ADCY2: variants seen among roughly 807,000 people sequenced by gnomAD.
ADCY2 encodes adenylate cyclase type 2.
Under a neutral mutation model 125.2 loss-of-function variants are expected in ADCY2, and 31 were observed. The observed-to-expected ratio is 0.25, with a 90% CI of 0.19 to 0.33. ADCY2 has a LOEUF of 0.33. ADCY2 is among the 10% of genes least tolerant of loss of function. ADCY2 has a pLI of 1.00. For missense variants in ADCY2, 904 were observed against 1,418.2 expected, an observed-to-expected ratio of 0.64 and a Z score of 5.82; for synonymous variants, 512 against 548.4, an observed-to-expected ratio of 0.93 and a Z score of 0.93.
At chr5:7,538,869 T>G (rs1455079604) in intron 3 of ADCY2, among the ~76,000 whole-genome samples, 1 of 145,840 alleles carries the variant, frequency 6.9e-6, no homozygotes, top group African/African-American at 2.5e-5. Flanking sequence ...TCTTTTCTTT[T>G]TTTTTTTTTT....
At chr5:7,526,334 G>A (rs138893655) in intron 3 of ADCY2, among the ~76,000 whole-genome samples, 158 of 152,332 alleles carry the variant, frequency 1.0e-3, no homozygotes, top group Non-Finnish European at 1.9e-3. Flanking sequence ...GAAGGGAAGC[G>A]GGTGGTAAAA....
At chr5:7,500,188 A>G (rs1440982977) in intron 2 of ADCY2, among the ~76,000 whole-genome samples, 1 of 152,228 alleles carries the variant, frequency 6.6e-6, no homozygotes, top group Admixed American at 6.5e-5. Context: ...AGCTAGAAGT[A>G]TTTGAACACC....
At chr5:7,535,207 A>AT (rs1309127315) in intron 3 of ADCY2, among the ~76,000 whole-genome samples, 3 of 152,008 alleles carry the variant, frequency 2.0e-5, no homozygotes, top group Non-Finnish European at 4.4e-5. Context: ...CGCCCAGCTA[A>AT]TTTTTTTGTA....
chr5:7,497,235 A>G lies in ADCY2; in HGVS notation c.409-23503A>G, dbSNP rs544834033. Among the ~76,000 whole-genome samples the G allele has an allele frequency of 2.6e-5, 4 of 152,234 alleles. No individual in the cohort carries two copies. In the South Asian group the frequency reaches 8.3e-4, roughly 32 times the overall value. On this transcript the variant is annotated intron_variant, in intron 2 of 24. Transcript: ENST00000338316. ...ACATGTCACTAACAGTATGGAAGAT[A>G]CACAAACAAGAATAACCAGGGCAGT...
At chr5:7,581,011 T>C (rs1439386938) in intron 3 of ADCY2, among the ~76,000 whole-genome samples, 1 of 152,172 alleles carries the variant, frequency 6.6e-6, no homozygotes, top group Non-Finnish European at 1.5e-5. Context: ...GAAGGCATTT[T>C]AAATGAACAG....
intron 3 of ADCY2, among the ~76,000 whole-genome samples, chr5:7,582,535 T>C (rs1452694151): frequency 6.6e-6 from 1 of 152,052 alleles, no homozygotes; most frequent in Non-Finnish European, 1.5e-5. Context: ...TCTTAGCAAA[T>C]AAAATCCACC....
chr5:7,486,589 G>C (rs1022844842), intron 2 of ADCY2, among the ~76,000 whole-genome samples: 1 of 152,144 alleles, frequency 6.6e-6, no homozygotes, highest in Non-Finnish European at 1.5e-5. Flanking sequence ...CATCACTGTG[G>C]AAACAGACCT....
intron 2 of ADCY2, among the ~76,000 whole-genome samples, chr5:7,484,659 CTCTT>C (rs1212335319): frequency 1.3e-5 from 2 of 152,140 alleles, no homozygotes; most frequent in Non-Finnish European, 2.9e-5. Flanking sequence ...CACTTCTATC[CTCTT>C]TCTTTCTATC....
rs550711330 is a variant in ADCY2 at position 7,627,945 on chromosome 5, T to C, written c.720+1629T>C. On this transcript the variant is annotated intron_variant, in intron 4 of 24. Coordinates refer to ENST00000338316, the MANE Select transcript of ADCY2 (RefSeq NM_020546.3). ...TGTCTTACCACCTATATAGCAAAGG[T>C]ATTCAGGAACCGATGTTTTTGTTTG... is the stretch of plus-strand genomic sequence containing the variant. Among the ~76,000 whole-genome samples, 13 of 152,326 alleles carry C rather than the reference T, an allele frequency of 8.5e-5. No homozygotes were observed. In the South Asian group the frequency reaches 2.7e-3, roughly 32 times the overall value.
At chr5:7,506,789 CTTTTTTTTTTTTT>C (rs70940743) in intron 2 of ADCY2, among the ~76,000 whole-genome samples, 5 of 55,060 alleles carry the variant, frequency 9.1e-5, no homozygotes, top group East Asian at 1.1e-3. Flanking sequence ...ATGCGTTGCT[CTTTTTTTTTTTTT>C]TTTTTTTTTT....
At chr5:7,812,045 G>A (rs1744960652) in intron 22 of ADCY2, among the ~76,000 whole-genome samples, 1 of 152,182 alleles carries the variant, frequency 6.6e-6, no homozygotes, top group South Asian at 2.1e-4. Flanking sequence ...TGGGCACAGA[G>A]AATCTGCGAA....
At chr5:7,413,791 T>C (rs369704520) in intron 1 of ADCY2, among the ~76,000 whole-genome samples, 3 of 152,250 alleles carry the variant, frequency 2.0e-5, no homozygotes, top group East Asian at 3.9e-4. Context: ...TGTCTGTATG[T>C]GGAGTTGAAC....
At chr5:7,455,711 ATAT>A (rs1741643675) in intron 2 of ADCY2, among the ~76,000 whole-genome samples, 1 of 145,206 alleles carries the variant, frequency 6.9e-6, no homozygotes, top group African/African-American at 2.6e-5. Flanking sequence ...TAACATAATT[ATAT>A]TATGTTATTA....
chr5:7,594,592 G>A (rs59114410), intron 3 of ADCY2, among the ~76,000 whole-genome samples: 3,702 of 147,790 alleles, frequency 0.025, 143 homozygotes, highest in African/African-American at 0.093. Context: ...TCTTTAATTA[G>A]TTATTGACTT....
chr5:7,615,210 G>A (rs962689335), intron 3 of ADCY2, among the ~76,000 whole-genome samples: 5 of 152,146 alleles, frequency 3.3e-5, no homozygotes, highest in African/African-American at 1.2e-4. Context: ...CAACACTGGG[G>A]ACTACAATTC....
At chr5:7,643,026 A>AT (rs777829626) in intron 4 of ADCY2, among the ~76,000 whole-genome samples, 13 of 151,886 alleles carry the variant, frequency 8.6e-5, no homozygotes, top group East Asian at 1.9e-4. Context: ...TCTAATTAGA[A>AT]TTTTTTTTAT....
chr5:7,488,871 C>G (rs1056679260), intron 2 of ADCY2, among the ~76,000 whole-genome samples: 2 of 151,776 alleles, frequency 1.3e-5, no homozygotes, highest in African/African-American at 4.9e-5. Flanking sequence ...AGATCTCCTC[C>G]TCAGGCTCAT....
rs1310581122 is a variant in ADCY2 at position 7,641,302 on chromosome 5, C to T, written c.720+14986C>T. Among the ~76,000 whole-genome samples the T allele has an allele frequency of 2.9e-4, 44 of 152,140 alleles. 1 individual carries two copies. The highest frequency in any genetic ancestry group is 2.9e-3 in the Admixed American group (44 of 15,264). On this transcript the variant is annotated intron_variant, in intron 4 of 24. Transcript: ENST00000338316. ...CCCAAGATTCACAGATTCTACAAAT[C>T]TCTATCTATATTTATTGTGCTAAAA...
chr5:7,481,591 C>T (rs1381927533), intron 2 of ADCY2, among the ~76,000 whole-genome samples: 5 of 152,100 alleles, frequency 3.3e-5, no homozygotes, highest in Non-Finnish European at 7.4e-5. Flanking sequence ...TTTCATATGC[C>T]TATTAGCCAT....
Sources: gnomAD v4.1 joint callset for allele counts (sites outside exome capture counted in the v4.1 genomes callset) on GRCh38, gnomAD v4.1.1 for gene constraint, MANE v1.5 for transcripts, NCBI Gene and HGNC (gene_info 2026-07-23, HGNC 2026-07-21) for gene names.